Variants in CORT observed in about 807,000 individuals in gnomAD.
CORT encodes the protein cortistatin, also known as cortistatin-14.
A neutral mutation model predicts 4.4 loss-of-function variants in CORT; 2 were observed. The ratio of observed to expected loss-of-function variants is 0.46; its 90% CI spans 0.19 to 1.44. The LOEUF (loss-of-function observed/expected upper bound fraction) is 1.44. CORT is among the 40% of genes most tolerant of loss of function. CORT has a pLI of 0.26. For missense variants in CORT, 158 were observed against 140.2 expected (o/e 1.13, Z -0.64); for synonymous variants, 72 against 62.0 (o/e 1.16, Z -0.75).
In CORT at chr1:10,450,261, C is replaced by T; in HGVS notation, c.38C>T (p.Ser13Phe). 6.4e-7 allele frequency: 1 copy of T among 1,570,552 alleles called. No homozygotes were observed. Among genetic ancestry groups the T allele is most frequent in the Non-Finnish European group, 8.6e-7 (1 of 1,158,302 alleles). ...LSPGLLLLLLSGATATAALPL... is the reference protein window; with the variant it reads ...LSPGLLLLLLFGATATAALPL... ...CCCGGCCTCCTGCTGCTGCTGCTCT[C>T]CGGGGCCACGGCCACCGCTGCCCTG... The change falls in exon 1 of 2, where the codon TCC becomes TTC. Residue 13 changes from serine to phenylalanine, a missense_variant. By Grantham distance (155) the Ser-to-Phe change is radical (BLOSUM62 -2). Transcript: ENST00000377049.
intron 1 of CORT, 105 bp from the exon 2 acceptor site, chr1:10,451,272 C>A: frequency 3.2e-6 from 4 of 1,263,042 alleles, no homozygotes; most frequent in East Asian, 2.8e-5. Context: ...TCTTTTAGAT[C>A]ATTTTTTTTT....
chr1:10,450,586 A>G (rs1640754878), intron 1 of CORT, among the ~76,000 whole-genome samples: 1 of 152,134 alleles, frequency 6.6e-6, no homozygotes, highest in South Asian at 2.1e-4. Context: ...GGTGTCTGGG[A>G]AAGGGGAAGC....
At chr1:10,451,134 CTAAT>C (rs1374223381) in intron 1 of CORT, among the ~76,000 whole-genome samples, 1 of 152,172 alleles carries the variant, frequency 6.6e-6, no homozygotes, top group Non-Finnish European at 1.5e-5. Context: ...CAACTTTTCT[CTAAT>C]TAAAGCAATT....
Position 10,450,086 on chromosome 1 carries a change from A to G in CORT, c.-138A>G. ...CCAGGCGTTAGACATGTATAGACAC[A>G]AAAACAGCTGGAGATTGGGCTTAAA... On this transcript the variant is annotated 5_prime_UTR_variant, in exon 1 of 2. Transcript: ENST00000377049. The G allele has an allele frequency of 6.3e-7, 1 of 1,599,254 alleles. No individual in the cohort carries two copies. The highest frequency in any genetic ancestry group is 8.5e-7 in the Non-Finnish European group (1 of 1,172,852).
rs1406159363 is a variant in CORT, at chr1:10,451,603, C to T, written c.*8C>T. On this transcript the variant is annotated 3_prime_UTR_variant, in exon 2 of 2. Coordinates refer to ENST00000377049, the MANE Select transcript of CORT (RefSeq NM_001302.5). ...TTCTCCTCCTGCAAATAAAACCTCA[C>T]CCATGAATGCTCACGCAAGTGTAAT... The T allele has an allele frequency of 1.9e-6, 3 of 1,608,576 alleles. No individual in the cohort carries two copies. The highest frequency in any genetic ancestry group is 2.5e-6 in the Non-Finnish European group (3 of 1,177,880).
At position 10,451,496 on chromosome 1, in the gene CORT, G is replaced by C; in HGVS notation, c.219G>C (p.Val73=). 1 of 1,614,068 alleles carries C rather than the reference G, an allele frequency of 6.2e-7. No homozygotes were observed. Among genetic ancestry groups the C allele is most frequent in the East Asian group, 2.2e-5 (1 of 44,884 alleles). The change falls in exon 2 of 2, where the codon GTG becomes GTC. Residue 73 remains valine, a synonymous_variant. Coordinates refer to ENST00000377049, the MANE Select transcript of CORT (RefSeq NM_001302.5). ...GPLIGEEARE[V]ARRQEGAPPQ... is the part of the protein sequence containing the mutation. ...TCATAGGAGAGGAAGCCCGGGAGGTGGCCAGGCGGCAGGAAGGCGCACCCC... is the reference window on the plus strand; with the variant it reads ...TCATAGGAGAGGAAGCCCGGGAGGTCGCCAGGCGGCAGGAAGGCGCACCCC...
At chr1:10,450,434 A>T in intron 1 of CORT, 112 bp downstream of exon 1, 3 of 1,163,098 alleles carry the variant, frequency 2.6e-6, no homozygotes, top group Non-Finnish European at 3.3e-6. Flanking sequence ...CAGCTTGGAC[A>T]GGACACACGG....
chr1:10,451,399 T>G lies in CORT; in HGVS notation c.122T>G (p.Ile41Arg), dbSNP rs752753240. Residue 41 changes from isoleucine to arginine, a missense_variant, in exon 2 of 2, where the codon ATA becomes AGA. Ile to Arg is a moderately conservative substitution (Grantham distance 97). Transcript: ENST00000377049. ...AAGCATATGCAGGAAGCGGCAGGAA[T>G]AAGGAAAAGCAGCCTCCTGACTTTC... The part of the protein sequence containing the change: ...DSEHMQEAAG[I>R]RKSSLLTFLA... 6.2e-7 allele frequency: 1 copy of G among 1,611,996 alleles called. No individual in the cohort carries two copies. Among genetic ancestry groups the G allele is most frequent in the South Asian group, 1.1e-5 (1 of 90,774 alleles).
intron 1 of CORT, among the ~76,000 whole-genome samples, chr1:10,450,963 T>C (rs1478052529): frequency 1.3e-5 from 2 of 152,298 alleles, no homozygotes; most frequent in East Asian, 3.9e-4. Flanking sequence ...TCCAGGAGTG[T>C]GGCCAAAGGT....
rs758278055 is a variant in CORT, at chr1:10,450,307, C to T, written c.84C>T (p.Thr28=). 4.6e-5 allele frequency: 69 copies of T among 1,513,056 alleles called. No individual in the cohort carries two copies. The highest frequency in any genetic ancestry group is 7.0e-5 in the East Asian group (3 of 42,902). 93.7% of individuals were successfully genotyped at this position (1,513,056 alleles called of 1,614,324 possible). Reference sequence around the variant, plus strand: ...CCCTGCCCCTGGAGGGTGGCCCCACCGGCCGAGACAGCGAGGTGAGTACAG... The same window carrying T: ...CCCTGCCCCTGGAGGGTGGCCCCACTGGCCGAGACAGCGAGGTGAGTACAG... ...TAALPLEGGP[T]GRDSEHMQEA... Residue 28 remains threonine, a synonymous_variant, in exon 1 of 2, where the codon ACC becomes ACT. Coordinates refer to ENST00000377049, the MANE Select transcript of CORT (RefSeq NM_001302.5).
intron 1 of CORT, 150 bp downstream of exon 1, chr1:10,450,472 C>T (rs1443669123): frequency 2.2e-6 from 2 of 897,554 alleles, no homozygotes; most frequent in African/African-American, 3.5e-5. Context: ...CTTGGCTGGC[C>T]CGAGGTACTG....
chr1:10,451,918 A>G lies in CORT; in HGVS notation c.*323A>G, dbSNP rs147076752. ...GGCTACACAATTAAGAGTTCAGAAT[A>G]ACATCTTATTTCAGTTTATGAATTG... On this transcript the variant is annotated 3_prime_UTR_variant, in exon 2 of 2. Transcript: ENST00000377049. The G allele has an allele frequency of 2.3e-3, 466 of 206,908 alleles. 1 individual carries two copies. The highest frequency in any genetic ancestry group is 9.9e-3 in the African/African-American group (431 of 43,730). The allele number at this position is 206,908 out of a possible 1,614,324, so 12.8% of individuals were successfully genotyped here. A position where few individuals can be genotyped will look rare whatever the true frequency, so the allele number is the denominator to read the frequency against.
At chr1:10,450,404 T>C (rs1640747527) in intron 1 of CORT, 82 bp downstream of exon 1, 8 of 1,311,992 alleles carry the variant, frequency 6.1e-6, no homozygotes, top group Non-Finnish European at 6.9e-6. Context: ...TGTGTGTGTG[T>C]GCACGTGTGT....
intron 1 of CORT, 28 bp downstream of exon 1, chr1:10,450,350 G>A (rs1640745176): frequency 1.5e-5 from 22 of 1,452,870 alleles, no homozygotes; most frequent in Non-Finnish European, 2.0e-5. Context: ...GTGGCCACAC[G>A]CTAGCCCACT....
rs1436571321 is a variant in CORT at position 10,451,671 on chromosome 1, TCTC to T, written c.*82_*84del. On this transcript the variant is annotated 3_prime_UTR_variant, in exon 2 of 2. Coordinates refer to ENST00000377049, the MANE Select transcript of CORT (RefSeq NM_001302.5). ...TGTATTAAGCAGCAGTGATCTTTCC[TCTC>T]CTCCTTCCCAAGTCATTTGAAAAGT... 6.8e-6 allele frequency: 10 copies of T among 1,474,104 alleles called. No individual in the cohort carries two copies. The highest frequency in any genetic ancestry group is 5.7e-5 in the African/African-American group (4 of 70,670). The allele number at this position is 1,474,104 out of a possible 1,614,324, so 91.3% of individuals were successfully genotyped here.
intron 1 of CORT, among the ~76,000 whole-genome samples, chr1:10,451,135 TA>T (rs1288673847): frequency 1.4e-4 from 21 of 152,352 alleles, no homozygotes; most frequent in African/African-American, 5.0e-4. Context: ...AACTTTTCTC[TA>T]ATTAAAGCAA....
At chr1:10,450,993 C>T (rs940301886) in intron 1 of CORT, among the ~76,000 whole-genome samples, 4 of 152,128 alleles carry the variant, frequency 2.6e-5, no homozygotes, top group African/African-American at 9.7e-5. Context: ...AGTAAATTAG[C>T]CTGATCCAAC....
chr1:10,450,189 G>A lies in CORT; in HGVS notation c.-35G>A. Reference sequence around the variant, plus strand: ...GGGCTGCCAGGAAGGAAGAGCAGCAGCAGGGTGGGAGAGAAGCTCCAGTCA... The same window carrying A: ...GGGCTGCCAGGAAGGAAGAGCAGCAACAGGGTGGGAGAGAAGCTCCAGTCA... On this transcript the variant is annotated 5_prime_UTR_variant, in exon 1 of 2. Coordinates refer to ENST00000377049, the MANE Select transcript of CORT (RefSeq NM_001302.5). The A allele has an allele frequency of 2.5e-6, 4 of 1,611,340 alleles. No individual in the cohort carries two copies. Among genetic ancestry groups the A allele is most frequent in the South Asian group, 2.2e-5 (2 of 90,352 alleles).
At position 10,450,117 on chromosome 1, in the gene CORT, C is replaced by T. The variant is rs775638493; in HGVS notation, c.-107C>T. On this transcript the variant is annotated 5_prime_UTR_variant, in exon 1 of 2. Coordinates refer to ENST00000377049, the MANE Select transcript of CORT (RefSeq NM_001302.5). ...AGCTGGAGATTGGGCTTAAAATACC[C>T]ACCAAGCTCCAAAGAAGAGACCCAA... 6.2e-7 allele frequency: 1 copy of T among 1,607,252 alleles called. No individual in the cohort carries two copies. Among genetic ancestry groups the T allele is most frequent in the Non-Finnish European group, 8.5e-7 (1 of 1,177,124 alleles).
Sources: allele counts gnomAD v4.1 joint callset (sites outside exome capture counted in the v4.1 genomes callset), GRCh38; gene constraint gnomAD v4.1.1; transcripts MANE v1.5; gene names NCBI Gene and HGNC (gene_info 2026-07-23, HGNC 2026-07-21).